The following ZFPM1 variants were observed in gnomAD, a reference collection of about 807,000 sequenced individuals.
ZFPM1 encodes zinc finger protein, FOG family member 1.
A neutral mutation model predicts 46.3 loss-of-function variants in ZFPM1; 28 were observed. The ratio of observed to expected loss-of-function variants is 0.60; its 90% CI spans 0.45 to 0.83. The LOEUF (loss-of-function observed/expected upper bound fraction) is 0.83, where lower values mean the gene tolerates loss of function less well. Among genes scored for constraint, ZFPM1 ranks in the 40% least tolerant of loss-of-function variants. The pLI is 0.00. For missense variants in ZFPM1, 1,878 were observed against 1,432.4 expected (o/e 1.31, Z -5.02); for synonymous variants, 957 against 675.9 (o/e 1.42, Z -6.45).
chr16:88,490,210 T>C (rs963441749), intron 3 of ZFPM1, among the ~76,000 whole-genome samples: 63 of 152,236 alleles, frequency 4.1e-4, no homozygotes, highest in African/African-American at 1.4e-3. Context: ...CCTGCCACCA[T>C]GCCCGGCTAA....
rs1042813023 is a variant in ZFPM1, at chr16:88,534,181, C to T, written c.2223C>T (p.Arg741=). The T allele has an allele frequency of 1.5e-5, 15 of 991,300 alleles. No individual in the cohort carries two copies. The highest frequency in any genetic ancestry group is 1.8e-5 in the Non-Finnish European group (15 of 836,296). 61.4% of individuals were successfully genotyped at this position (991,300 alleles called of 1,614,324 possible). Residue 741 remains arginine, a synonymous_variant, in exon 10 of 10, where the codon CGC becomes CGT. Transcript: ENST00000319555. ...APSPAAPVRT[R]RRRKLYELHA... Reference sequence around the variant, plus strand: ...CTCCCGCCGCGCCTGTGCGCACGCGCAGACGCCGCAAGCTCTACGAGCTGC... The same window carrying T: ...CTCCCGCCGCGCCTGTGCGCACGCGTAGACGCCGCAAGCTCTACGAGCTGC...
At chr16:88,501,587 CAT>C (rs1369105405) in intron 3 of ZFPM1, among the ~76,000 whole-genome samples, 5 of 113,014 alleles carry the variant, frequency 4.4e-5, no homozygotes, top group East Asian at 3.0e-4. Context: ...GGTGTGGGTG[CAT>C]GGGCTCTCCC....
Position 88,535,180 on chromosome 16 carries a change from G to C in ZFPM1, c.*201G>C, listed in dbSNP as rs1433604274. ...GTTTGATGAGCATGGTGGTGGGCCA[G>C]CCTAGTTCTCTGAGCCAGCAGGCAC... On this transcript the variant is annotated 3_prime_UTR_variant, in exon 10 of 10. Coordinates refer to ENST00000319555, the MANE Select transcript of ZFPM1 (RefSeq NM_153813.3). 2 of 554,344 alleles carry C rather than the reference G, an allele frequency of 3.6e-6. No homozygotes were observed. Among genetic ancestry groups the C allele is most frequent in the Non-Finnish European group, 5.4e-6 (2 of 371,204 alleles). 34.3% of individuals were successfully genotyped at this position (554,344 alleles called of 1,614,324 possible).
rs534656054 is a variant in ZFPM1 at position 88,455,844 on chromosome 16, G to A, written c.40+2166G>A. ...CCAGATGGCGGAGGCGATAGGCCGGGCTGCCGACGGGGAGCGCGGGGCCGG... is the reference window on the plus strand; with the variant it reads ...CCAGATGGCGGAGGCGATAGGCCGGACTGCCGACGGGGAGCGCGGGGCCGG... On this transcript the variant is annotated intron_variant, in intron 1 of 9. Coordinates refer to ENST00000319555, the MANE Select transcript of ZFPM1 (RefSeq NM_153813.3). Among the ~76,000 whole-genome samples, 779 of 152,280 alleles carry A rather than the reference G, an allele frequency of 5.1e-3. 6 individuals are homozygous for A. Among genetic ancestry groups the A allele is most frequent in the African/African-American group, 0.018 (740 of 41,572 alleles).
chr16:88,470,843 G>C (rs553153471), intron 1 of ZFPM1, among the ~76,000 whole-genome samples: 2 of 150,394 alleles, frequency 1.3e-5, no homozygotes, highest in African/African-American at 4.9e-5. Context: ...GTGGAGGGCC[G>C]GGTGGTGACG....
chr16:88,461,454 T>C (rs746429231), intron 1 of ZFPM1, among the ~76,000 whole-genome samples: 2 of 152,132 alleles, frequency 1.3e-5, no homozygotes, highest in Non-Finnish European at 2.9e-5. Flanking sequence ...CAGCGCAACC[T>C]CACGTCCTGG....
chr16:88,470,962 G>A (rs376233590), intron 1 of ZFPM1, among the ~76,000 whole-genome samples: 3 of 152,098 alleles, frequency 2.0e-5, no homozygotes, highest in African/African-American at 4.8e-5. Flanking sequence ...GAGACGCAGC[G>A]TGACGCACTG....
chr16:88,516,683 G>A (rs992226352), intron 4 of ZFPM1: 110 of 398,400 alleles, frequency 2.8e-4, no homozygotes, highest in African/African-American at 2.1e-3. Flanking sequence ...CGTCTCAGCG[G>A]GCCCCTGTCG....
intron 1 of ZFPM1, among the ~76,000 whole-genome samples, chr16:88,455,132 GGTGTGTGTGTGTGTGTGT>G (rs4047261): frequency 6.3e-5 from 9 of 141,768 alleles, no homozygotes; most frequent in African/African-American, 1.3e-4. Context: ...TCGGTTCTGG[GGTGTGTGTGTGTGTGTGT>G]GTGTGTGTGT....
intron 1 of ZFPM1, among the ~76,000 whole-genome samples, chr16:88,462,012 C>T (rs955634596): frequency 6.6e-5 from 10 of 152,230 alleles, no homozygotes; most frequent in Non-Finnish European, 8.8e-5. Context: ...CTGCATCGGC[C>T]GGCGGCCTCC....
At chr16:88,493,263 G>GGA (rs1909711214) in intron 3 of ZFPM1, among the ~76,000 whole-genome samples, 1 of 138,458 alleles carries the variant, frequency 7.2e-6, no homozygotes. Flanking sequence ...TGGGGTGCGG[G>GGA]GAGCTGTCCC....
Position 88,535,036 on chromosome 16 carries a change from G to A in ZFPM1, c.*57G>A, listed in dbSNP as rs1192336530. 3.0e-6 allele frequency: 4 copies of A among 1,351,738 alleles called. No homozygotes were observed. The highest frequency in any genetic ancestry group is 2.9e-6 in the Non-Finnish European group (3 of 1,044,034). 83.7% of individuals were successfully genotyped at this position (1,351,738 alleles called of 1,614,324 possible). On this transcript the variant is annotated 3_prime_UTR_variant, in exon 10 of 10. Transcript: ENST00000319555. ...CGCCCCGCTGCGATGCGGGGAGGGG[G>A]CCGCCCCCAGGCCGCACGGACTGCC...
intron 3 of ZFPM1, among the ~76,000 whole-genome samples, chr16:88,502,893 G>A (rs767979162): frequency 1.3e-5 from 2 of 152,360 alleles, no homozygotes; most frequent in Admixed American, 6.5e-5. Flanking sequence ...CTGCACACAC[G>A]GTGGCCGGAC....
rs114668230 is a variant in ZFPM1, at chr16:88,497,134, C to G, written c.268+7981C>G. Among the ~76,000 whole-genome samples, 617 of 152,368 alleles carry G rather than the reference C, an allele frequency of 4.0e-3. 5 individuals carry two copies. Among genetic ancestry groups the G allele is most frequent in the African/African-American group, 0.014 (593 of 41,586 alleles). On this transcript the variant is annotated intron_variant, in intron 3 of 9. Coordinates refer to ENST00000319555, the MANE Select transcript of ZFPM1 (RefSeq NM_153813.3). This position sits in a 1 kb window ranked among gnomAD's most constrained non-coding sequence, Gnocchi z 5.4. Reference sequence around the variant, plus strand: ...AAGTCGTGACTTTTCCATCCCCACTCCATCCTGGGCTCTGATGGCAGAGAT... The same window carrying G: ...AAGTCGTGACTTTTCCATCCCCACTGCATCCTGGGCTCTGATGGCAGAGAT...
At chr16:88,520,980 A>G (rs1483016055) in intron 4 of ZFPM1, among the ~76,000 whole-genome samples, 2 of 101,800 alleles carry the variant, frequency 2.0e-5, no homozygotes, top group Non-Finnish European at 3.9e-5. Flanking sequence ...GGGTGGATGG[A>G]TGGATGGATG....
intron 4 of ZFPM1, among the ~76,000 whole-genome samples, chr16:88,519,883 A>G (rs1911689853): frequency 2.0e-5 from 3 of 149,216 alleles, no homozygotes; most frequent in Admixed American, 2.0e-4. Flanking sequence ...GGGTAGATGG[A>G]GAGATGTGTA....
intron 3 of ZFPM1, among the ~76,000 whole-genome samples, chr16:88,490,481 C>T (rs1375145424): frequency 2.0e-5 from 3 of 152,212 alleles, no homozygotes; most frequent in Admixed American, 1.3e-4. Flanking sequence ...CATGGTGAGG[C>T]GCTCGCCGTG....
intron 3 of ZFPM1, among the ~76,000 whole-genome samples, chr16:88,492,692 G>A (rs1256945020): frequency 6.6e-6 from 1 of 152,212 alleles, no homozygotes; most frequent in Non-Finnish European, 1.5e-5. Flanking sequence ...GACGGTGTTA[G>A]CCCGGCGGAG....
At chr16:88,508,863 CCT>C (rs1555526426) in intron 3 of ZFPM1, among the ~76,000 whole-genome samples, 43 of 152,338 alleles carry the variant, frequency 2.8e-4, no homozygotes, top group East Asian at 2.5e-3. Context: ...CACCTCACCC[CCT>C]GTTAAATGGG....
Sources: allele counts gnomAD v4.1 joint callset (sites outside exome capture counted in the v4.1 genomes callset), GRCh38; gene constraint gnomAD v4.1.1; non-coding constraint Gnocchi (gnomAD v3.1); transcripts MANE v1.5; gene names NCBI Gene and HGNC (gene_info 2026-07-23, HGNC 2026-07-21).